KDM3B: variants seen among roughly 807,000 people sequenced by gnomAD.
KDM3B encodes the protein lysine demethylase 3B, also known as lysine-specific demethylase 3B.
A neutral mutation model predicts 170.0 loss-of-function variants in KDM3B; 10 were observed. The observed-to-expected ratio is 0.06, with a 90% confidence interval of 0.04 to 0.10. The LOEUF (loss-of-function observed/expected upper bound fraction) is 0.10. Among genes scored for constraint, KDM3B ranks in the 10% least tolerant of loss-of-function variants. The pLI is 1.00. For synonymous variants in KDM3B, 831 were observed against 834.8 expected, an observed-to-expected ratio of 1.00 and a Z score of 0.08; for missense variants, 1,394 against 2,195.2, an observed-to-expected ratio of 0.64 and a Z score of 7.29.
At chr5:138,354,289 T>C (rs1761400369) in intron 1 of KDM3B, among the ~76,000 whole-genome samples, 2 of 152,152 alleles carry the variant, frequency 1.3e-5, no homozygotes. Context: ...TGGGGCAAAT[T>C]TGCAAAAAGA....
At chr5:138,418,097 TCAGA>T (rs1763155222) in intron 13 of KDM3B, 1 of 151,536 alleles carries the variant, frequency 6.6e-6, no homozygotes, top group African/African-American at 2.5e-5. Context: ...TTTTTTTTTT[TCAGA>T]CAGAGTCTTG....
chr5:138,384,757 A>T (rs1762214500), intron 6 of KDM3B, among the ~76,000 whole-genome samples: 2 of 124,030 alleles, frequency 1.6e-5, no homozygotes, highest in Non-Finnish European at 3.3e-5. Context: ...AAAAAAAAAA[A>T]AAAAAAATTA....
chr5:138,434,963 G>T (rs1763636890), intron 23 of KDM3B, among the ~76,000 whole-genome samples: 1 of 152,084 alleles, frequency 6.6e-6, no homozygotes. Context: ...CTTCCCCTTT[G>T]CATTTCCCCG....
chr5:138,403,664 C>T (rs566673234), intron 11 of KDM3B, among the ~76,000 whole-genome samples: 8 of 137,014 alleles, frequency 5.8e-5, no homozygotes, highest in East Asian at 2.2e-4. Context: ...GCAACAAGAG[C>T]GAAACTCTGT....
rs1445836937 is a variant in KDM3B, at chr5:138,391,570, C to T, written c.1938C>T (p.His646=). 1.2e-6 allele frequency: 2 copies of T among 1,614,136 alleles called. No homozygotes were observed. The highest frequency in any genetic ancestry group is 1.3e-5 in the African/African-American group (1 of 75,044). ...TGGCATTTGTGGAGAAAGTTGAACA[C>T]AGCCCTTTCAGTAGTTTTGCATCTC... is the stretch of plus-strand genomic sequence containing the variant. The part of the protein sequence containing the change: ...PFLAFVEKVE[H]SPFSSFASQA... The change falls in exon 8 of 24, where the codon CAC becomes CAT. Residue 646 remains histidine (H), a synonymous_variant. Coordinates refer to ENST00000314358, the MANE Select transcript of KDM3B (RefSeq NM_016604.4). The surrounding 1 kb of genome is among the most constrained non-coding windows in gnomAD (Gnocchi z 5.0).
intron 15 of KDM3B, among the ~76,000 whole-genome samples, chr5:138,423,492 T>A (rs2126997757): frequency 6.6e-6 from 1 of 152,256 alleles, no homozygotes; most frequent in South Asian, 2.1e-4. Flanking sequence ...AGCTTTCCCA[T>A]CAGCTGAAAC....
intron 7 of KDM3B, among the ~76,000 whole-genome samples, chr5:138,390,269 T>C (rs1165720672): frequency 6.6e-6 from 1 of 152,218 alleles, no homozygotes; most frequent in Non-Finnish European, 1.5e-5. Context: ...AAGGCTTTTT[T>C]TGGGATATTG....
At chr5:138,385,471 T>C (rs964947945) in intron 6 of KDM3B, among the ~76,000 whole-genome samples, 5 of 152,248 alleles carry the variant, frequency 3.3e-5, no homozygotes, top group Middle Eastern at 3.2e-3. Flanking sequence ...GACCTTGTGA[T>C]CTGCCCGCCT....
At chr5:138,362,193 C>T (rs1400146155) in intron 1 of KDM3B, among the ~76,000 whole-genome samples, 2 of 151,406 alleles carry the variant, frequency 1.3e-5, no homozygotes, top group Admixed American at 6.6e-5. Flanking sequence ...TGGTGGCGCA[C>T]GTAATCCCTG....
intron 1 of KDM3B, among the ~76,000 whole-genome samples, chr5:138,368,415 T>C (rs960424412): frequency 1.3e-4 from 19 of 151,900 alleles, no homozygotes; most frequent in Admixed American, 5.3e-4. Flanking sequence ...TCTATTTTTT[T>C]TGTAGAGACA....
chr5:138,393,544 G>C (rs956207618), intron 9 of KDM3B, among the ~76,000 whole-genome samples, 172 bp downstream of exon 9: 2 of 152,198 alleles, frequency 1.3e-5, no homozygotes, highest in African/African-American at 4.8e-5. Flanking sequence ...TAGTTGTTTG[G>C]ATTGTAAAAT....
chr5:138,366,244 A>G (rs1326243707), intron 1 of KDM3B, among the ~76,000 whole-genome samples: 1 of 152,170 alleles, frequency 6.6e-6, no homozygotes, highest in African/African-American at 2.4e-5. Context: ...TTATTCACCT[A>G]AGTATAAAAT....
At chr5:138,424,635 C>G (rs1428474857) in intron 16 of KDM3B, among the ~76,000 whole-genome samples, 3 of 152,030 alleles carry the variant, frequency 2.0e-5, no homozygotes, top group African/African-American at 7.2e-5. Context: ...AAAAAATTAG[C>G]TGGGCATGGT....
intron 1 of KDM3B, among the ~76,000 whole-genome samples, chr5:138,357,197 G>C (rs1761473200): frequency 6.6e-6 from 1 of 151,958 alleles, no homozygotes; most frequent in Non-Finnish European, 1.5e-5. Flanking sequence ...ATGTTGCCCA[G>C]GCTGGTCTGG....
At chr5:138,415,403 GTTATTGAAGAGACCCTTCTGTA>G (rs1404785034) in intron 12 of KDM3B, among the ~76,000 whole-genome samples, 164 bp downstream of exon 12, 2 of 151,708 alleles carry the variant, frequency 1.3e-5, no homozygotes, top group Non-Finnish European at 2.9e-5. Context: ...TATTATTATT[GTTATTGAAGAGACCCTTCTGTA>G]TTATTGAAGA....
rs1008765864 is a variant in KDM3B, at chr5:138,431,633, C to T, written c.5205+74C>T. ...ACATACATTACGCAGAAAGCACATT[C>T]TCCTTTCTGAGGGTATTCTCCGAAG... On this transcript the variant is annotated intron_variant, in intron 23 of 23. Coordinates refer to ENST00000314358, the MANE Select transcript of KDM3B (RefSeq NM_016604.4). The T allele has an allele frequency of 4.4e-5, 56 of 1,280,068 alleles. 1 individual carries two copies. The African/African-American group carries it at 6.0e-4, about 14-fold the overall frequency. 79.3% of individuals were successfully genotyped at this position (1,280,068 alleles called of 1,614,324 possible).
chr5:138,427,079 A>G lies in KDM3B; in HGVS notation c.4502+14A>G, dbSNP rs776868443. On this transcript the variant is annotated intron_variant, in intron 18 of 23. Transcript: ENST00000314358. ...GATGCCAACCAGGTTAGTGACCTGCAGTGGTGTCATCTTCAGAAGCCATCA... is the reference window on the plus strand; with the variant it reads ...GATGCCAACCAGGTTAGTGACCTGCGGTGGTGTCATCTTCAGAAGCCATCA... 7 of 1,611,938 alleles carry G rather than the reference A, an allele frequency of 4.3e-6. No individual in the cohort carries two copies. The South Asian group carries it at 7.7e-5, about 18-fold the overall frequency.
Position 138,419,666 on chromosome 5 carries a change from AAAAT to A in KDM3B, c.3715+436_3715+439del, listed in dbSNP as rs1183837829. Among the ~76,000 whole-genome samples, 317 of 113,894 alleles carry A rather than the reference AAAAT, an allele frequency of 2.8e-3. 13 individuals are homozygous for A. The highest frequency in any genetic ancestry group is 0.011 in the African/African-American group (301 of 28,058). The allele number at this position is 113,894 out of a possible 152,430, so 74.7% of individuals were successfully genotyped here. A position where few individuals can be genotyped will look rare whatever the true frequency, so the allele number is the denominator to read the frequency against. On this transcript the variant is annotated intron_variant, in intron 14 of 23. Transcript: ENST00000314358. ...AGACTCTGTCTCAAAAAAAAAAAAA[AAAAT>A]ATATATATATATATATATACATATA... is the stretch of plus-strand genomic sequence containing the variant.
At chr5:138,377,849 C>A in intron 4 of KDM3B, 24 bp downstream of exon 4, 1 of 1,525,276 alleles carries the variant, frequency 6.6e-7, no homozygotes, top group South Asian at 1.1e-5. Flanking sequence ...GTCTTCTGTC[C>A]CTGAACTCTG....
Sources: allele counts gnomAD v4.1 joint callset (sites outside exome capture counted in the v4.1 genomes callset), GRCh38; gene constraint gnomAD v4.1.1; non-coding constraint Gnocchi (gnomAD v3.1); transcripts MANE v1.5; gene names NCBI Gene and HGNC (gene_info 2026-07-23, HGNC 2026-07-21).